Variants in LRP1B observed in about 807,000 individuals in gnomAD.
LRP1B encodes the protein low-density lipoprotein receptor-related protein 1B.
Under a neutral mutation model 556.6 loss-of-function variants are expected in LRP1B, and 217 were observed. The ratio of observed to expected loss-of-function variants is 0.39; its 90% CI spans 0.35 to 0.44. The LOEUF (loss-of-function observed/expected upper bound fraction) is 0.44, where lower values mean the gene tolerates loss of function less well. Ranked by LOEUF, LRP1B falls within the 20% of genes least tolerant of loss-of-function variation. LRP1B has a pLI of 1.00. For missense variants in LRP1B, 5,053 were observed against 5,620.8 expected (o/e 0.90, Z 3.23); for synonymous variants, 2,047 against 1,865.8 (o/e 1.10, Z -2.50).
chr2:140,938,208 T>A (rs1695288189), intron 20 of LRP1B, among the ~76,000 whole-genome samples: 1 of 119,988 alleles, frequency 8.3e-6, no homozygotes, highest in African/African-American at 3.9e-5. Context: ...AGCTTCCTAT[T>A]TTTTTTAATG....
rs531789108 is a variant in LRP1B at position 140,985,227 on chromosome 2, A to T, written c.2771-2951T>A. On this transcript the variant is annotated intron_variant, in intron 17 of 90. Coordinates refer to ENST00000389484, the MANE Select transcript of LRP1B (RefSeq NM_018557.3). ...CAAGAGGAGACTAGAGCATAGCACTATTCCTAAACTTCACTTTTCCTGTAT... is the reference window on the plus strand; with the variant it reads ...CAAGAGGAGACTAGAGCATAGCACTTTTCCTAAACTTCACTTTTCCTGTAT... Among the ~76,000 whole-genome samples the T allele has an allele frequency of 3.3e-5, 5 of 151,750 alleles. No individual in the cohort carries two copies. The East Asian group carries it at 9.8e-4, about 30-fold the overall frequency.
intron 2 of LRP1B, among the ~76,000 whole-genome samples, chr2:141,577,550 T>C (rs1355538590): frequency 1.3e-5 from 2 of 152,186 alleles, no homozygotes; most frequent in Non-Finnish European, 2.9e-5. Context: ...ATGACACAAG[T>C]AACTTCTCAT....
At chr2:141,784,322 A>G (rs955262291) in intron 2 of LRP1B, among the ~76,000 whole-genome samples, 10 of 151,970 alleles carry the variant, frequency 6.6e-5, no homozygotes, top group African/African-American at 2.4e-4. Flanking sequence ...TGGTATGCAT[A>G]TATACTTTTA....
rs145348841 is a variant in LRP1B, at chr2:140,290,675, G to A, written c.12967+7133C>T. The stretch of plus-strand genomic sequence containing the variant: ...TGATCATTTTAAAAGTACTTTGGTC[G>A]CTTTTAGCTGGGCCTGCCATAAGCT... On this transcript the variant is annotated intron_variant, in intron 84 of 90. Coordinates refer to ENST00000389484, the MANE Select transcript of LRP1B (RefSeq NM_018557.3). Among the ~76,000 whole-genome samples the A allele has an allele frequency of 2.6e-3, 394 of 152,152 alleles. 1 individual carries two copies. Among genetic ancestry groups the A allele is most frequent in the African/African-American group, 8.9e-3 (370 of 41,534 alleles).
At chr2:142,085,489 G>A (rs953182545) in intron 1 of LRP1B, among the ~76,000 whole-genome samples, 1 of 152,118 alleles carries the variant, frequency 6.6e-6, no homozygotes, top group Non-Finnish European at 1.5e-5. Context: ...TGTTAACTAA[G>A]TATTTTTCCC....
At position 141,062,254 on chromosome 2, in the gene LRP1B, A is replaced by G; in HGVS notation, c.1033T>C (p.Tyr345His). 1 of 1,608,388 alleles carries G rather than the reference A, an allele frequency of 6.2e-7. No homozygotes were observed. Among genetic ancestry groups the G allele is most frequent in the Non-Finnish European group, 8.5e-7 (1 of 1,177,272 alleles). The change falls in exon 8 of 91, where the codon TAC becomes CAC. Residue 345 changes from tyrosine (Y) to histidine (H), a missense_variant. Transcript: ENST00000389484. Reference protein sequence around the residue: ...PIAGKLFFTDYGNVAKVERCD... With the variant: ...PIAGKLFFTDHGNVAKVERCD... The stretch of plus-strand genomic sequence containing the variant: ...CTCTCCACTTTGGCGACATTCCCGT[A>G]GTCAGTAAAGAAAAGTTTTCTGTTG...
At chr2:140,374,310 T>C (rs985420470) in intron 68 of LRP1B, among the ~76,000 whole-genome samples, 2 of 152,178 alleles carry the variant, frequency 1.3e-5, no homozygotes, top group Non-Finnish European at 2.9e-5. Context: ...AACAATCTCA[T>C]GGTTTGTGGA....
intron 29 of LRP1B, among the ~76,000 whole-genome samples, chr2:140,843,636 C>T (rs1037488905): frequency 1.3e-5 from 2 of 152,130 alleles, no homozygotes; most frequent in Admixed American, 6.6e-5. Context: ...TCATAACCTA[C>T]CCCCATCTCC....
intron 86 of LRP1B, among the ~76,000 whole-genome samples, chr2:140,256,841 T>G (rs987834877): frequency 1.3e-5 from 2 of 151,944 alleles, no homozygotes; most frequent in African/African-American, 2.4e-5. Flanking sequence ...GATTAAGAGA[T>G]AAAATTTACA....
chr2:141,841,695 G>A (rs974751181), intron 1 of LRP1B, among the ~76,000 whole-genome samples: 2 of 152,190 alleles, frequency 1.3e-5, no homozygotes, highest in African/African-American at 4.8e-5. Flanking sequence ...TTCAGTGTAA[G>A]CCAGTGAGTG....
chr2:140,907,863 T>C lies in LRP1B; in HGVS notation c.3520+14A>G, dbSNP rs779411299. On this transcript the variant is annotated intron_variant, in intron 22 of 90. Transcript: ENST00000389484. ...GTTTTCATGGAGAAGTCAGTACAAT[T>C]AAACATGCAATACCACAGAGATAGC... 1.2e-6 allele frequency: 2 copies of C among 1,612,056 alleles called. No homozygotes were observed. The highest frequency in any genetic ancestry group is 1.7e-6 in the Non-Finnish European group (2 of 1,178,346).
At chr2:141,758,870 G>C (rs1694419903) in intron 2 of LRP1B, among the ~76,000 whole-genome samples, 2 of 152,020 alleles carry the variant, frequency 1.3e-5, no homozygotes, top group Non-Finnish European at 2.9e-5. Flanking sequence ...AATTGTAAAG[G>C]AGTGCTGATA....
At chr2:141,026,822 G>A (rs1188246378) in intron 11 of LRP1B, among the ~76,000 whole-genome samples, 1 of 152,076 alleles carries the variant, frequency 6.6e-6, no homozygotes, top group Non-Finnish European at 1.5e-5. Context: ...CAGCAGCCTT[G>A]TTGTGAATTC....
intron 84 of LRP1B, among the ~76,000 whole-genome samples, chr2:140,287,984 A>G (rs1220170277): frequency 6.6e-6 from 1 of 151,846 alleles, no homozygotes; most frequent in Non-Finnish European, 1.5e-5. Context: ...TTGCATCTAT[A>G]AAAATGAAAT....
intron 3 of LRP1B, among the ~76,000 whole-genome samples, chr2:141,409,692 A>G (rs949994815): frequency 5.9e-5 from 9 of 152,098 alleles, no homozygotes; most frequent in African/African-American, 2.2e-4. Context: ...CAAACCAACA[A>G]TGCAAACAAA....
intron 79 of LRP1B, among the ~76,000 whole-genome samples, chr2:140,332,253 C>T (rs1680851975): frequency 6.6e-6 from 1 of 152,016 alleles, no homozygotes. Flanking sequence ...TAAAACACGA[C>T]AATGACACAA....
In LRP1B at chr2:141,844,744, C is replaced by T. The variant is rs540526696; in HGVS notation, c.83-34343G>A. Among the ~76,000 whole-genome samples the T allele has an allele frequency of 2.2e-4, 34 of 152,058 alleles. No homozygotes were observed. In the South Asian group the frequency reaches 6.2e-3, roughly 28 times the overall value. On this transcript the variant is annotated intron_variant, in intron 1 of 90. Transcript: ENST00000389484. ...CATAGGAGAAAATTATTGTGTCAAA[C>T]TACTATAAAGTTATATAGTTAAATT...
At position 140,457,533 on chromosome 2, in the gene LRP1B, T is replaced by C; in HGVS notation, c.9744A>G (p.Arg3248=). 1 of 1,613,660 alleles carries C rather than the reference T, an allele frequency of 6.2e-7. No individual in the cohort carries two copies. Among genetic ancestry groups the C allele is most frequent in the Non-Finnish European group, 8.5e-7 (1 of 1,179,736 alleles). ...SRAHKTSGAD[R]LSLIYSWHAI... ...CATGCCATGAGTAAATCAGTGAGAG[T>C]CTGTCTGCTCCCGATGTTTTATGGG... Residue 3248 remains arginine, a synonymous_variant, in exon 61 of 91, where the codon AGA becomes AGG. Coordinates refer to ENST00000389484, the MANE Select transcript of LRP1B (RefSeq NM_018557.3).
chr2:140,336,963 A>T (rs751439611), intron 77 of LRP1B, among the ~76,000 whole-genome samples: 1 of 151,898 alleles, frequency 6.6e-6, no homozygotes, highest in Non-Finnish European at 1.5e-5. Flanking sequence ...ATGTGTAATC[A>T]ATACGTAACA....
Sources: allele counts gnomAD v4.1 joint callset (sites outside exome capture counted in the v4.1 genomes callset), GRCh38; gene constraint gnomAD v4.1.1; transcripts MANE v1.5; gene names NCBI Gene and HGNC (gene_info 2026-07-23, HGNC 2026-07-21).